The following VPS13B variants were observed in gnomAD, a reference collection of about 807,000 sequenced individuals.
The protein encoded by VPS13B is vacuolar protein sorting 13 homolog B.
A neutral mutation model predicts 426.4 loss-of-function variants in VPS13B; 285 were observed. The observed-to-expected ratio is 0.67, with a 90% CI of 0.61 to 0.74. The LOEUF (loss-of-function observed/expected upper bound fraction) is 0.74. Ranked by LOEUF, VPS13B falls within the 30% of genes least tolerant of loss-of-function variation. The pLI is 0.00. For missense variants in VPS13B, 4,537 were observed against 4,782.6 expected, an observed-to-expected ratio of 0.95 and a Z score of 1.51; for synonymous variants, 1,676 against 1,676.4, an observed-to-expected ratio of 1.00 and a Z score of 0.01.
intron 33 of VPS13B, among the ~76,000 whole-genome samples, chr8:99,603,797 G>A (rs1827436837): frequency 6.6e-6 from 1 of 152,174 alleles, no homozygotes; most frequent in Admixed American, 6.5e-5. Context: ...AGATTCACAG[G>A]TTTTGTTAAT....
At chr8:99,833,796 A>AT (rs1210683041) in intron 52 of VPS13B, among the ~76,000 whole-genome samples, 3 of 152,244 alleles carry the variant, frequency 2.0e-5, no homozygotes, top group Non-Finnish European at 4.4e-5. Context: ...TATAAATACT[A>AT]AGCTAGATAT....
intron 4 of VPS13B, among the ~76,000 whole-genome samples, chr8:99,101,481 G>A (rs1235907363): frequency 6.6e-6 from 1 of 152,158 alleles, no homozygotes; most frequent in African/African-American, 2.4e-5. Flanking sequence ...ATGGGGTTAT[G>A]TACATTCTAA....
chr8:99,112,081 C>T (rs958338686), intron 6 of VPS13B, among the ~76,000 whole-genome samples: 1 of 152,092 alleles, frequency 6.6e-6, no homozygotes, highest in Non-Finnish European at 1.5e-5. Context: ...ATTTTCTGTC[C>T]AATGTAGTGT....
chr8:99,391,675 G>A lies in VPS13B; in HGVS notation c.3053G>A (p.Ser1018Asn). The A allele has an allele frequency of 6.2e-7, 1 of 1,614,046 alleles. No homozygotes were observed. The highest frequency in any genetic ancestry group is 8.5e-7 in the Non-Finnish European group (1 of 1,179,932). The change falls in exon 21 of 62, where the codon AGC becomes AAC. Residue 1018 changes from serine (S) to asparagine (N), a missense_variant. Transcript: ENST00000357162. ...QQSYQASEYA[S>N]SPVKTKTVTE... ...TCATATCAGGCCTCTGAATATGCCA[G>A]CAGCCCTGTAAAAACAAAAACGGTA...
At chr8:99,521,156 G>T in intron 30 of VPS13B, 146 bp downstream of exon 30, 1 of 685,890 alleles carries the variant, frequency 1.5e-6, no homozygotes, top group Non-Finnish European at 2.4e-6. Context: ...ATTTTCTTCA[G>T]TTGTGGGTTT....
chr8:99,030,135 C>CTTTTTTTTTTTT (rs58542671), intron 2 of VPS13B, among the ~76,000 whole-genome samples: 5 of 75,728 alleles, frequency 6.6e-5, no homozygotes, highest in African/African-American at 1.1e-4. Flanking sequence ...AAAATACATG[C>CTTTTTTTTTTTT]TTTTTTTTTT....
chr8:99,242,424 G>A (rs1816982261), intron 17 of VPS13B, among the ~76,000 whole-genome samples: 1 of 152,030 alleles, frequency 6.6e-6, no homozygotes, highest in Non-Finnish European at 1.5e-5. Context: ...TATCAGAATG[G>A]TTATATTTGT....
In VPS13B at chr8:99,481,791, A is replaced by G; in HGVS notation, c.3859A>G (p.Thr1287Ala). ...ATGCAGCCCATCTGCTGACATTGGG[A>G]CTACTACTGAGGTAAGTGTTTTTGA... ...STCSPSADIG[T>A]TTEGDSIQAG... The change falls in exon 25 of 62, where the codon ACT becomes GCT. Residue 1287 changes from threonine (T) to alanine (A), a missense_variant. Coordinates refer to ENST00000357162, the MANE Select transcript of VPS13B (RefSeq NM_152564.5). 6.2e-7 allele frequency: 1 copy of G among 1,613,858 alleles called. No homozygotes were observed. Among genetic ancestry groups the G allele is most frequent in the Non-Finnish European group, 8.5e-7 (1 of 1,179,780 alleles).
chr8:99,461,130 T>G (rs908096780), intron 23 of VPS13B, among the ~76,000 whole-genome samples: 3 of 152,086 alleles, frequency 2.0e-5, no homozygotes, highest in African/African-American at 7.2e-5. Context: ...AATCCTCTTC[T>G]TTTCTCAAGC....
chr8:99,360,572 C>T (rs888577942), intron 19 of VPS13B, among the ~76,000 whole-genome samples: 2 of 152,022 alleles, frequency 1.3e-5, no homozygotes, highest in African/African-American at 2.4e-5. Context: ...CCACCCCACC[C>T]GGCCATTTCT....
intron 43 of VPS13B, among the ~76,000 whole-genome samples, chr8:99,798,606 A>G (rs1417122586): frequency 6.6e-6 from 1 of 152,182 alleles, no homozygotes; most frequent in Non-Finnish European, 1.5e-5. Flanking sequence ...GCAAGCCTGC[A>G]TGAAAGAGAA....
At chr8:99,020,098 T>C (rs562023350) in intron 2 of VPS13B, among the ~76,000 whole-genome samples, 49 of 152,316 alleles carry the variant, frequency 3.2e-4, no homozygotes, top group African/African-American at 1.1e-3. Context: ...CTACCAGCAA[T>C]GTGCAAAGGT....
At chr8:99,424,766 A>G (rs113710125) in intron 21 of VPS13B, among the ~76,000 whole-genome samples, 26,479 of 152,166 alleles carry the variant, frequency 0.17, 2,822 homozygotes, top group East Asian at 0.38. Flanking sequence ...AAAAAAATCA[A>G]TGAATCCAGG....
Position 99,876,785 on chromosome 8 carries a change from A to AACTT in VPS13B, c.*1120_*1123dup, listed in dbSNP as rs1299826002. 6.6e-6 allele frequency: 1 copy of AACTT among 152,194 alleles called. No individual in the cohort carries two copies. Among genetic ancestry groups the AACTT allele is most frequent in the Non-Finnish European group, 1.5e-5 (1 of 68,030 alleles). 9.4% of individuals were successfully genotyped at this position (152,194 alleles called of 1,614,324 possible). A position where few individuals can be genotyped will look rare whatever the true frequency, so the allele number is the denominator to read the frequency against. ...TGTTTGCTGATTGATATTACATTTA[A>AACTT]ACTTGGGGCTACAGCTTGTTACCTA... is the stretch of plus-strand genomic sequence containing the variant. On this transcript the variant is annotated 3_prime_UTR_variant, in exon 62 of 62. Transcript: ENST00000357162.
intron 33 of VPS13B, among the ~76,000 whole-genome samples, chr8:99,611,293 G>C (rs903426958): frequency 1.2e-4 from 19 of 152,060 alleles, no homozygotes; most frequent in Non-Finnish European, 2.5e-4. Flanking sequence ...TATTTAGCTG[G>C]TTGAAATCAG....
chr8:99,204,123 T>C (rs1483610170), intron 17 of VPS13B, among the ~76,000 whole-genome samples: 1 of 152,128 alleles, frequency 6.6e-6, no homozygotes, highest in Non-Finnish European at 1.5e-5. Flanking sequence ...ACAAGGTTAC[T>C]GTAACCAAAA....
rs753837683 is a variant in VPS13B, at chr8:99,384,269, G to A, written c.2886G>A (p.Thr962=). Residue 962 remains threonine (T), a synonymous_variant, in exon 20 of 62, where the codon ACG becomes ACA. Transcript: ENST00000357162. The part of the protein sequence containing the change: ...LAVNIDPILY[T]WLIYQPQKRT... ...TTAATATTGACCCAATCTTATATAC[G>A]TGGCTCATCTATCAGCCTCAGAAAC... is the stretch of plus-strand genomic sequence containing the variant. 5.0e-6 allele frequency: 8 copies of A among 1,613,756 alleles called. No individual in the cohort carries two copies. The highest frequency in any genetic ancestry group is 2.2e-5 in the East Asian group (1 of 44,862).
intron 58 of VPS13B, among the ~76,000 whole-genome samples, chr8:99,862,274 C>T (rs750489661): frequency 2.6e-5 from 4 of 152,218 alleles, no homozygotes; most frequent in Admixed American, 1.3e-4. Flanking sequence ...TTCTGAAGAA[C>T]GTGATGGGCA....
intron 2 of VPS13B, 50 bp downstream of exon 2, chr8:99,013,985 A>G (rs1841455752): frequency 6.2e-7 from 1 of 1,612,804 alleles, no homozygotes; most frequent in South Asian, 1.1e-5. Flanking sequence ...GCTTGTTTAG[A>G]CGGTAATCTA....
Sources: allele counts gnomAD v4.1 joint callset (sites outside exome capture counted in the v4.1 genomes callset), GRCh38; gene constraint gnomAD v4.1.1; transcripts MANE v1.5; gene names NCBI Gene and HGNC (gene_info 2026-07-23, HGNC 2026-07-21).